The following LY86 variants were observed in gnomAD, a reference collection of about 807,000 sequenced individuals.
LY86 encodes the protein lymphocyte antigen 86.
LY86 carries 20 observed loss-of-function variants against 17.3 expected under a neutral mutation model. The ratio of observed to expected loss-of-function variants is 1.15; its 90% CI spans 0.81 to 1.68. LY86 has a LOEUF of 1.68. Among genes scored for constraint, LY86 ranks in the 40% most tolerant of loss-of-function variants. The pLI, the probability that LY86 is intolerant of heterozygous loss-of-function variation, is 0.00. For missense variants in LY86, 200 were observed against 191.9 expected, an observed-to-expected ratio of 1.04 and a Z score of -0.25; for synonymous variants, 74 against 70.6, an observed-to-expected ratio of 1.05 and a Z score of -0.24.
chr6:6,653,302 C>T (rs1762214526), intron 4 of LY86, among the ~76,000 whole-genome samples: 1 of 152,090 alleles, frequency 6.6e-6, no homozygotes, highest in Non-Finnish European at 1.5e-5. Context: ...TACTCCTTCC[C>T]TCTTGCTTTA....
At chr6:6,635,200 C>G (rs11753964) in intron 3 of LY86, among the ~76,000 whole-genome samples, 4 of 152,150 alleles carry the variant, frequency 2.6e-5, no homozygotes, top group African/African-American at 9.7e-5. Flanking sequence ...CTCCTCTTAC[C>G]TGATAGGGAC....
chr6:6,645,360 A>G (rs1321835067), intron 3 of LY86, among the ~76,000 whole-genome samples: 3 of 152,172 alleles, frequency 2.0e-5, no homozygotes, highest in Admixed American at 2.0e-4. Flanking sequence ...CATTCTGCTC[A>G]GCGGCTTTAC....
chr6:6,607,397 T>C (rs1761206620), intron 1 of LY86, among the ~76,000 whole-genome samples: 1 of 152,214 alleles, frequency 6.6e-6, no homozygotes, highest in Non-Finnish European at 1.5e-5. Flanking sequence ...AAGTTTATTT[T>C]TAAGATTTAT....
At position 6,588,865 on chromosome 6, in the gene LY86, G is replaced by A. The variant is rs764011602; in HGVS notation, c.131G>A (p.Ser44Asn). 72 of 1,613,850 alleles carry A rather than the reference G, an allele frequency of 4.5e-5. No individual in the cohort carries two copies. Among genetic ancestry groups the A allele is most frequent in the Non-Finnish European group, 5.8e-5 (69 of 1,179,912 alleles). The change falls in exon 1 of 5, where the codon AGT becomes AAT. Residue 44 changes from serine (S) to asparagine (N), a missense_variant. By Grantham distance (46) the Ser-to-Asn change is conservative. Transcript: ENST00000230568. ...AGCGGCTTGGAAGTGCTCTACCAGA[G>A]TTGCGGTAAGCCCTTGCAGTACACC... is the stretch of plus-strand genomic sequence containing the variant. ...SDSGLEVLYQ[S>N]CDPLQDFGFS...
chr6:6,591,710 A>AC (rs1760535509), intron 1 of LY86, among the ~76,000 whole-genome samples: 1 of 152,236 alleles, frequency 6.6e-6, no homozygotes, highest in South Asian at 2.1e-4. Context: ...AGAAGGTAAG[A>AC]CATTGAGGAA....
intron 1 of LY86, among the ~76,000 whole-genome samples, chr6:6,606,200 C>T (rs528562180): frequency 6.6e-6 from 1 of 152,194 alleles, no homozygotes; most frequent in Admixed American, 6.5e-5. Flanking sequence ...CACAAAGGCT[C>T]TCCACCTCCC....
At chr6:6,630,318 G>A (rs1262141387) in intron 3 of LY86, among the ~76,000 whole-genome samples, 1 of 152,182 alleles carries the variant, frequency 6.6e-6, no homozygotes, top group African/African-American at 2.4e-5. Context: ...GAATATCAAG[G>A]GATGATCTAA....
intron 1 of LY86, among the ~76,000 whole-genome samples, chr6:6,597,528 A>C (rs1447570776): frequency 2.0e-5 from 3 of 152,232 alleles, no homozygotes; most frequent in Admixed American, 2.0e-4. Context: ...CATGTAAGGC[A>C]ATATCTGAGG....
At chr6:6,651,186 G>C (rs1223836243) in intron 4 of LY86, among the ~76,000 whole-genome samples, 2 of 152,188 alleles carry the variant, frequency 1.3e-5, no homozygotes, top group Non-Finnish European at 2.9e-5. Context: ...AAGCATGGGG[G>C]TGCAATTACA....
intron 1 of LY86, among the ~76,000 whole-genome samples, chr6:6,617,571 G>T (rs889810828): frequency 6.6e-6 from 1 of 152,158 alleles, no homozygotes; most frequent in Non-Finnish European, 1.5e-5. Context: ...TTATACATAC[G>T]ATGATACCAG....
intron 1 of LY86, among the ~76,000 whole-genome samples, chr6:6,590,209 G>GTT (rs1309572882): frequency 1.3e-5 from 2 of 149,736 alleles, no homozygotes; most frequent in Admixed American, 1.3e-4. Context: ...CTAGGAATAC[G>GTT]TTCCAAGACT....
chr6:6,613,258 A>G (rs1020042243), intron 1 of LY86, among the ~76,000 whole-genome samples: 7 of 152,310 alleles, frequency 4.6e-5, no homozygotes, highest in African/African-American at 1.2e-4. Flanking sequence ...CTGCCTGCCA[A>G]TCCCGCGCCG....
intron 1 of LY86, among the ~76,000 whole-genome samples, chr6:6,611,779 A>C (rs370551107): frequency 6.8e-6 from 1 of 147,120 alleles, no homozygotes; most frequent in African/African-American, 2.5e-5. Flanking sequence ...AGTGCCTATC[A>C]AACAGTACGG....
intron 1 of LY86, among the ~76,000 whole-genome samples, chr6:6,611,989 C>CACTA (rs1554124559): frequency 2.8e-5 from 2 of 72,110 alleles, no homozygotes; most frequent in Non-Finnish European, 5.0e-5. Context: ...ACCCCCTTAA[C>CACTA]TGAGTACTGA....
intron 1 of LY86, among the ~76,000 whole-genome samples, chr6:6,600,418 T>G (rs1760862771): frequency 6.6e-6 from 1 of 151,688 alleles, no homozygotes; most frequent in Non-Finnish European, 1.5e-5. Context: ...GACGATACCC[T>G]ATTTCTACTA....
intron 1 of LY86, among the ~76,000 whole-genome samples, chr6:6,614,676 T>A (rs573636504): frequency 6.6e-5 from 10 of 152,232 alleles, no homozygotes; most frequent in African/African-American, 1.9e-4. Context: ...GTCCCTGAAC[T>A]CTCATCTCAA....
chr6:6,597,636 C>T (rs995513235), intron 1 of LY86, among the ~76,000 whole-genome samples: 25 of 152,162 alleles, frequency 1.6e-4, no homozygotes, highest in African/African-American at 5.3e-4. Context: ...TTTGCACCTC[C>T]GTCTGTGGGA....
At chr6:6,609,017 G>T (rs1761267169) in intron 1 of LY86, among the ~76,000 whole-genome samples, 1 of 152,200 alleles carries the variant, frequency 6.6e-6, no homozygotes, top group Non-Finnish European at 1.5e-5. Flanking sequence ...TGGAGGCAGA[G>T]AAATGAGTCC....
At chr6:6,614,848 C>T (rs1761513703) in intron 1 of LY86, among the ~76,000 whole-genome samples, 3 of 152,026 alleles carry the variant, frequency 2.0e-5, no homozygotes, top group Admixed American at 6.6e-5. Context: ...TGCCAAGGTT[C>T]CAACTCCTCA....
Sources: gnomAD v4.1 joint callset for allele counts (sites outside exome capture counted in the v4.1 genomes callset) on GRCh38, gnomAD v4.1.1 for gene constraint, MANE v1.5 for transcripts, NCBI Gene and HGNC (gene_info 2026-07-23, HGNC 2026-07-21) for gene names.